The following GPI variants were observed in gnomAD, a reference collection of about 807,000 sequenced individuals.
GPI encodes the protein D-hexose-6-phosphate anomerase.
A neutral mutation model predicts 75.8 loss-of-function variants in GPI; 56 were observed. The ratio of observed to expected loss-of-function variants is 0.74; its 90% CI spans 0.60 to 0.92. The LOEUF is 0.92. GPI is among the 40% of genes least tolerant of loss of function. The pLI is 0.00. For missense variants in GPI, 638 were observed against 741.0 expected, an observed-to-expected ratio of 0.86 and a Z score of 1.61; for synonymous variants, 288 against 285.4, an observed-to-expected ratio of 1.01 and a Z score of -0.09.
chr19:34,379,554 A>C lies in GPI; in HGVS notation c.742A>C (p.Thr248Pro), dbSNP rs751699605. The C allele has an allele frequency of 6.2e-7, 1 of 1,613,746 alleles. No individual in the cohort carries two copies. The highest frequency in any genetic ancestry group is 8.5e-7 in the Non-Finnish European group (1 of 1,179,646). The change falls in exon 8 of 18, where the codon ACT (threonine) becomes CCT (proline). Residue 248 changes from threonine (T) to proline (P), a missense_variant. Coordinates refer to ENST00000356487, the MANE Select transcript of GPI (RefSeq NM_000175.5). ...AVAKHFVALSTNTTKVKEFGI... is the reference protein window; with the variant it reads ...AVAKHFVALSPNTTKVKEFGI... ...GGCGAAGCACTTTGTTGCCCTGTCT[A>C]CTAACACAGTAAGTGCCCCCGTGGT...
chr19:34,369,522 C>A (rs2074418754), intron 4 of GPI, among the ~76,000 whole-genome samples: 1 of 152,152 alleles, frequency 6.6e-6, no homozygotes, highest in Non-Finnish European at 1.5e-5. Flanking sequence ...GCCTGGCCAT[C>A]ATGGTGAAAC....
At chr19:34,399,459 GACCT>G in intron 15 of GPI, 93 bp from the exon 16 acceptor site, 1 of 1,560,766 alleles carries the variant, frequency 6.4e-7, no homozygotes, top group Admixed American at 1.7e-5. Context: ...TGTCCTCACA[GACCT>G]GCACGTCTCA....
At chr19:34,362,557 G>A (rs747485498), upstream of GPI, among the ~76,000 whole-genome samples, 5 of 152,208 alleles carry the variant, frequency 3.3e-5, no homozygotes, top group Non-Finnish European at 7.3e-5. Flanking sequence ...GACTGTGGCA[G>A]TGGAAAGGTG....
intron 9 of GPI, among the ~76,000 whole-genome samples, chr19:34,384,997 C>T (rs1393382041): frequency 6.7e-6 from 1 of 148,356 alleles, no homozygotes; most frequent in African/African-American, 2.5e-5. Flanking sequence ...GATGGTGCTA[C>T]TGCACTCCAG....
intron 9 of GPI, among the ~76,000 whole-genome samples, chr19:34,384,848 G>C (rs528732466): frequency 6.6e-6 from 1 of 152,254 alleles, no homozygotes; most frequent in Non-Finnish European, 1.5e-5. Flanking sequence ...CTCGAGACCA[G>C]CCTGGCCAGC....
chr19:34,365,017 G>A (rs2074332392), upstream of GPI: 1 of 1,531,416 alleles, frequency 6.5e-7, no homozygotes, highest in South Asian at 1.2e-5. Context: ...GGCGGCGCAA[G>A]AGGTAGGGAG....
intron 9 of GPI, among the ~76,000 whole-genome samples, chr19:34,390,119 C>T (rs1664931943): frequency 6.6e-6 from 1 of 151,746 alleles, no homozygotes; most frequent in East Asian, 1.9e-4. Context: ...GTCAGTACCA[C>T]CTGAGGAGTT....
chr19:34,365,445 G>C, intron 1 of GPI, 57 bp downstream of exon 1: 1 of 1,495,450 alleles, frequency 6.7e-7, no homozygotes, highest in South Asian at 1.2e-5. Context: ...CCGGGCACGC[G>C]GGCCTGGGGT....
At chr19:34,392,987 G>A (rs2074887338) in intron 9 of GPI, 2 of 527,586 alleles carry the variant, frequency 3.8e-6, no homozygotes, top group South Asian at 3.9e-5. Context: ...GCTGGTGTCT[G>A]CAGAGACAGG....
intron 1 of GPI, chr19:34,366,105 C>T (rs199758153): frequency 3.8e-5 from 26 of 690,204 alleles, no homozygotes; most frequent in Non-Finnish European, 6.4e-5. Context: ...AGTCCGGGCT[C>T]CTCATCCAGG....
rs1452067874 is a variant in GPI at position 34,399,345 on chromosome 19, T to C, written c.1398+10T>C. The C allele has an allele frequency of 6.2e-7, 1 of 1,614,088 alleles. No individual in the cohort carries two copies. ...GCTGCTGCCACATAAGGTCAGCACT[T>C]CTGCATTTGGCTTTGGGGTGCATGC... On this transcript the variant is annotated intron_variant, in intron 15 of 17. Coordinates refer to ENST00000356487, the MANE Select transcript of GPI (RefSeq NM_000175.5).
upstream of GPI, among the ~76,000 whole-genome samples, chr19:34,361,181 C>G (rs572318672): frequency 1.3e-5 from 2 of 151,980 alleles, no homozygotes; most frequent in African/African-American, 2.4e-5. Flanking sequence ...AGCTCTGCCT[C>G]CTGGGTTCAC....
Position 34,393,074 on chromosome 19 carries a change from C to T in GPI, c.805-174C>T, listed in dbSNP as rs552679211. 3 of 672,000 alleles carry T rather than the reference C, an allele frequency of 4.5e-6. No individual in the cohort carries two copies. Among genetic ancestry groups the T allele is most frequent in the African/African-American group, 3.5e-5 (2 of 56,742 alleles). The allele number at this position is 672,000 out of a possible 1,614,324, so 41.6% of individuals were successfully genotyped here. On this transcript the variant is annotated intron_variant, in intron 9 of 17. Coordinates refer to ENST00000356487, the MANE Select transcript of GPI (RefSeq NM_000175.5). The surrounding 1 kb of genome is among the most constrained non-coding windows in gnomAD (Gnocchi z 4.4). ...TGTGGTCAGTCATCTGTAGTCTGCC[C>T]TGTTGGTCTTCCCATGTGTTGCCAG... is the stretch of plus-strand genomic sequence containing the variant.
At chr19:34,382,126 T>C (rs2074663868) in intron 9 of GPI, among the ~76,000 whole-genome samples, 1 of 152,082 alleles carries the variant, frequency 6.6e-6, no homozygotes, top group Non-Finnish European at 1.5e-5. Context: ...TCAGCAGTGG[T>C]GTGAGGAGGG....
In GPI at chr19:34,377,493, CCT is replaced by C. The variant is rs1419526467; in HGVS notation, c.403-9_403-8del. ...GGTTTGGGCTGATGGCATCTTCGCC[CCT>C]GTGCCAGCGTGTCCGGAGCGGTGAC... On this transcript the variant is annotated splice_region_variant and splice_polypyrimidine_tract_variant and intron_variant, in intron 4 of 17. Transcript: ENST00000356487. 6.2e-7 allele frequency: 1 copy of C among 1,605,646 alleles called. No individual in the cohort carries two copies. The highest frequency in any genetic ancestry group is 8.5e-7 in the Non-Finnish European group (1 of 1,173,114).
intron 8 of GPI, among the ~76,000 whole-genome samples, chr19:34,380,316 C>CAATATT (rs2074630624): frequency 6.6e-6 from 1 of 151,418 alleles, no homozygotes; most frequent in Non-Finnish European, 1.5e-5. Context: ...GACAAGGTCA[C>CAATATT]TCTGTCACTC....
intron 9 of GPI, among the ~76,000 whole-genome samples, chr19:34,390,405 C>T (rs542496024): frequency 3.9e-5 from 6 of 152,224 alleles, no homozygotes; most frequent in Non-Finnish European, 2.9e-5. Flanking sequence ...GAAGGTGGGT[C>T]CTGGCACCGG....
intron 14 of GPI, 147 bp downstream of exon 14, chr19:34,396,804 C>T: frequency 1.4e-6 from 1 of 720,412 alleles, no homozygotes; most frequent in East Asian, 2.7e-5. Flanking sequence ...TAAAACAACA[C>T]TCTTCTTTTG....
chr19:34,392,606 C>G (rs2074877715), intron 9 of GPI: 1 of 5,746 alleles, frequency 1.7e-4, no homozygotes, highest in Admixed American at 8.4e-4. Context: ...GGATCTCATA[C>G]AGGTATGAGG....
Sources: gnomAD v4.1 joint callset for allele counts (sites outside exome capture counted in the v4.1 genomes callset) on GRCh38, gnomAD v4.1.1 for gene constraint, Gnocchi (gnomAD v3.1) non-coding constraint, MANE v1.5 for transcripts, NCBI Gene and HGNC (gene_info 2026-07-23, HGNC 2026-07-21) for gene names.